Variants in DNAAF4 observed in about 807,000 individuals in gnomAD.
DNAAF4 encodes dynein assembly factor 4, axonemal.
A neutral mutation model predicts 51.8 loss-of-function variants in DNAAF4; 43 were observed. The ratio of observed to expected loss-of-function variants is 0.83; its 90% CI spans 0.65 to 1.07. DNAAF4 has a LOEUF of 1.07. Among genes scored for constraint, DNAAF4 ranks in the 50% least tolerant of loss-of-function variants. The pLI, the probability that DNAAF4 is intolerant of heterozygous loss-of-function variation, is 0.00. For missense variants in DNAAF4, 581 were observed against 493.0 expected (o/e 1.18, Z -1.69); for synonymous variants, 194 against 165.6 (o/e 1.17, Z -1.32).
intron 4 of DNAAF4, 50 bp downstream of exon 4, chr15:55,491,073 T>C (rs374404403): frequency 9.4e-6 from 15 of 1,604,122 alleles, no homozygotes; most frequent in Admixed American, 1.7e-5. Flanking sequence ...TATCCTCACA[T>C]AGTCTACTAT....
chr15:55,497,734 C>A lies in DNAAF4; in HGVS notation c.249G>T (p.Trp83Cys). 6.2e-7 allele frequency: 1 copy of A among 1,612,390 alleles called. No individual in the cohort carries two copies. The highest frequency in any genetic ancestry group is 8.5e-7 in the Non-Finnish European group (1 of 1,179,448). Residue 83 changes from tryptophan to cysteine, a missense_variant, in exon 3 of 10, where the codon TGG becomes TGT. Physicochemically the swap from Trp to Cys is radical, Grantham distance 215. Transcript: ENST00000321149. ...FTLYKKEAAMWETLSVTGVDK... is the reference protein window; with the variant it reads ...FTLYKKEAAMCETLSVTGVDK... Reference sequence around the variant, plus strand: ...TACCACCCGTCACAGAAAGGGTCTCCCACATGGCCGCTTCTTTTTTATACA... The same window carrying A: ...TACCACCCGTCACAGAAAGGGTCTCACACATGGCCGCTTCTTTTTTATACA...
intron 3 of DNAAF4, among the ~76,000 whole-genome samples, chr15:55,492,214 C>CGCT (rs10670130): frequency 6.6e-6 from 1 of 150,538 alleles, no homozygotes; most frequent in Non-Finnish European, 1.5e-5. Flanking sequence ...AGACTACGAT[C>CGCT]AATGGGTAAA....
chr15:55,477,306 T>C (rs2058348781), intron 4 of DNAAF4, among the ~76,000 whole-genome samples: 1 of 152,124 alleles, frequency 6.6e-6, no homozygotes, highest in Admixed American at 6.6e-5. Context: ...AATTAGAAAA[T>C]AAACTTTTTA....
rs2058024709 is a variant in DNAAF4, at chr15:55,456,602, T to C, written c.638-6235A>G. 4.6e-5 allele frequency among the ~76,000 whole-genome samples: 7 copies of C among 152,198 alleles called. No individual in the cohort carries two copies. The South Asian group carries it at 1.5e-3, about 32-fold the overall frequency. ...ACTTCAGGAACACCGCAAGAAACAC[T>C]GTAGGAAAACTGAAAGAATTCACAG... On this transcript the variant is annotated intron_variant, in intron 5 of 9. Transcript: ENST00000321149.
chr15:55,465,809 G>C (rs2058163093), intron 5 of DNAAF4, among the ~76,000 whole-genome samples: 1 of 151,996 alleles, frequency 6.6e-6, no homozygotes, highest in Admixed American at 6.6e-5. Flanking sequence ...CAGATGATCT[G>C]CCCGCCTTGT....
chr15:55,440,694 C>A (rs28628436), intron 6 of DNAAF4, among the ~76,000 whole-genome samples: 1 of 105,932 alleles, frequency 9.4e-6, no homozygotes, highest in Non-Finnish European at 2.0e-5. Flanking sequence ...AACTTTTTTT[C>A]TTTTTGAGAC....
At chr15:55,445,032 C>CTTT (rs35988188) in intron 6 of DNAAF4, among the ~76,000 whole-genome samples, 6 of 109,030 alleles carry the variant, frequency 5.5e-5, no homozygotes, top group East Asian at 2.4e-4. Context: ...ATTGAATACC[C>CTTT]TTTTTTTTTT....
intron 4 of DNAAF4, among the ~76,000 whole-genome samples, chr15:55,484,978 C>G (rs2058466704): frequency 6.6e-6 from 1 of 152,324 alleles, no homozygotes; most frequent in East Asian, 1.9e-4. Flanking sequence ...GCAACACCCT[C>G]GCAGACACAC....
At chr15:55,505,117 A>G (rs2141615177) in intron 1 of DNAAF4, among the ~76,000 whole-genome samples, 1 of 152,376 alleles carries the variant, frequency 6.6e-6, no homozygotes. Context: ...GGATATGAAC[A>G]GACACTTCTC....
rs147473054 is a variant in DNAAF4 at position 55,504,243 on chromosome 15, T to C, written c.-256+3879A>G. On this transcript the variant is annotated intron_variant, in intron 1 of 9. Coordinates refer to ENST00000321149, the MANE Select transcript of DNAAF4 (RefSeq NM_130810.4). ...TGTGAAGGACCTCTTCAAGGAGAAC[T>C]ACAAAACACTGCTCAGTGAAATAAA... 8.1e-3 allele frequency among the ~76,000 whole-genome samples: 1,233 copies of C among 152,204 alleles called. 15 individuals carry two copies. The highest frequency in any genetic ancestry group is 0.025 in the African/African-American group (1,033 of 41,524).
At chr15:55,436,363 T>C (rs1007570540) in intron 7 of DNAAF4, among the ~76,000 whole-genome samples, 6 of 152,152 alleles carry the variant, frequency 3.9e-5, no homozygotes, top group Non-Finnish European at 7.3e-5. Context: ...ATTTAAGTTC[T>C]TTGCCCATTA....
intron 5 of DNAAF4, among the ~76,000 whole-genome samples, chr15:55,460,249 C>T (rs182132888): frequency 2.0e-5 from 3 of 149,256 alleles, no homozygotes; most frequent in African/African-American, 4.9e-5. Context: ...GGTGCAGTCT[C>T]GGCTCACTGC....
chr15:55,499,277 C>G (rs1296134564), intron 1 of DNAAF4, among the ~76,000 whole-genome samples: 2 of 152,166 alleles, frequency 1.3e-5, no homozygotes, highest in Admixed American at 1.3e-4. Context: ...CTCCCCAAAC[C>G]CACACCTCTG....
intron 4 of DNAAF4, among the ~76,000 whole-genome samples, chr15:55,479,369 T>A (rs574909929): frequency 6.6e-6 from 1 of 152,180 alleles, no homozygotes; most frequent in East Asian, 1.9e-4. Context: ...CTTTTATAAT[T>A]TATGCCTGTC....
chr15:55,491,864 GT>G (rs2058580037), intron 3 of DNAAF4, among the ~76,000 whole-genome samples: 1 of 148,420 alleles, frequency 6.7e-6, no homozygotes, highest in African/African-American at 2.5e-5. Flanking sequence ...TTGTTTGTTT[GT>G]TTTCCTGAGA....
At chr15:55,452,072 C>T (rs1199009348) in intron 5 of DNAAF4, among the ~76,000 whole-genome samples, 1 of 150,800 alleles carries the variant, frequency 6.6e-6, no homozygotes, top group Non-Finnish European at 1.5e-5. Flanking sequence ...CATGGTGAAA[C>T]CTCATCTCTA....
intron 6 of DNAAF4, among the ~76,000 whole-genome samples, chr15:55,447,602 A>T (rs1044233337): frequency 4.0e-5 from 6 of 150,324 alleles, no homozygotes; most frequent in Admixed American, 1.3e-4. Flanking sequence ...ACAGAGCAAA[A>T]CCCCATCTCC....
intron 7 of DNAAF4, among the ~76,000 whole-genome samples, chr15:55,421,969 C>G (rs2057392468): frequency 1.3e-5 from 2 of 149,912 alleles, no homozygotes; most frequent in Admixed American, 1.3e-4. Context: ...ATACTAGGCA[C>G]TAGAAGCTAG....
chr15:55,472,150 T>A (rs1001321969), intron 4 of DNAAF4, among the ~76,000 whole-genome samples: 8 of 152,142 alleles, frequency 5.3e-5, no homozygotes, highest in Non-Finnish European at 1.2e-4. Context: ...CTTAAAGATA[T>A]TTTAAATAAA....
Sources: allele counts gnomAD v4.1 joint callset (sites outside exome capture counted in the v4.1 genomes callset), GRCh38; gene constraint gnomAD v4.1.1; transcripts MANE v1.5; gene names NCBI Gene and HGNC (gene_info 2026-07-23, HGNC 2026-07-21).